The following TNPO3 variants were observed in gnomAD, a reference collection of about 807,000 sequenced individuals.
TNPO3 encodes the protein transportin-3.
Under a neutral mutation model 122.8 loss-of-function variants are expected in TNPO3, and 65 were observed. The observed-to-expected ratio is 0.53, with a 90% CI of 0.43 to 0.65. The LOEUF is 0.65. Among genes scored for constraint, TNPO3 ranks in the 30% least tolerant of loss-of-function variants. The pLI is 0.00. For synonymous variants in TNPO3, 372 were observed against 411.2 expected, an observed-to-expected ratio of 0.90 and a Z score of 1.15; for missense variants, 850 against 1,136.7, an observed-to-expected ratio of 0.75 and a Z score of 3.63.
At chr7:129,047,813 A>G (rs1406111539) in intron 1 of TNPO3, among the ~76,000 whole-genome samples, 1 of 152,272 alleles carries the variant, frequency 6.6e-6, no homozygotes, top group African/African-American at 2.4e-5. Flanking sequence ...TTAAAACACT[A>G]TAGTTATTAC....
intron 1 of TNPO3, among the ~76,000 whole-genome samples, chr7:129,030,889 G>A (rs79775691): frequency 0.03 from 4,509 of 152,228 alleles, 94 homozygotes; most frequent in Non-Finnish European, 0.04. Flanking sequence ...GTACAATGGC[G>A]GAATGGGCCA....
intron 5 of TNPO3, among the ~76,000 whole-genome samples, chr7:129,002,812 G>A (rs932727376): frequency 1.3e-5 from 2 of 152,052 alleles, no homozygotes; most frequent in Non-Finnish European, 2.9e-5. Flanking sequence ...CAGCACTTTG[G>A]GAGGCTGAGG....
chr7:128,985,546 T>G (rs1252575380), intron 12 of TNPO3, among the ~76,000 whole-genome samples: 3 of 152,204 alleles, frequency 2.0e-5, no homozygotes, highest in Non-Finnish European at 2.9e-5. Context: ...CAGTGAGCTA[T>G]GATCATGCCA....
intron 5 of TNPO3, among the ~76,000 whole-genome samples, chr7:129,003,064 A>AAAG (rs1554439863): frequency 2.1e-4 from 28 of 130,482 alleles, no homozygotes; most frequent in African/African-American, 7.6e-4. Context: ...AAAAAAAAAA[A>AAAG]TACAAAAAAT....
intron 14 of TNPO3, among the ~76,000 whole-genome samples, chr7:128,980,300 T>C (rs558032238): frequency 6.6e-6 from 1 of 152,276 alleles, no homozygotes; most frequent in African/African-American, 2.4e-5. Context: ...ATCTTTTCCA[T>C]TTTTCCCTTT....
At position 128,962,179 on chromosome 7, in the gene TNPO3, C is replaced by T. The variant is rs1585320161; in HGVS notation, c.2712-4864G>A. 2.0e-5 allele frequency among the ~76,000 whole-genome samples: 3 copies of T among 151,952 alleles called. No individual in the cohort carries two copies. The South Asian group carries it at 6.3e-4, about 32-fold the overall frequency. ...AGGAGATCGAGACCATCCTGGCTAA[C>T]AAGGTGAAACCCCGTCTCTACTAAA... On this transcript the variant is annotated intron_variant, in intron 21 of 22. Coordinates refer to ENST00000265388, the MANE Select transcript of TNPO3 (RefSeq NM_012470.4).
chr7:129,043,887 G>C (rs1390178983), intron 1 of TNPO3, among the ~76,000 whole-genome samples: 1 of 152,112 alleles, frequency 6.6e-6, no homozygotes, highest in Non-Finnish European at 1.5e-5. Flanking sequence ...CCATGCAAAG[G>C]CTTCCTGAAA....
intron 1 of TNPO3, among the ~76,000 whole-genome samples, chr7:129,038,064 A>G (rs1229193324): frequency 2.0e-5 from 3 of 152,168 alleles, no homozygotes; most frequent in African/African-American, 7.2e-5. Context: ...TTCTAAATAT[A>G]TCATACTCAA....
intron 7 of TNPO3, among the ~76,000 whole-genome samples, chr7:128,999,141 C>T (rs1470593638): frequency 1.3e-5 from 2 of 152,152 alleles, no homozygotes; most frequent in South Asian, 2.1e-4. Context: ...CCACTGCGCC[C>T]GGCCAGAAGT....
rs1802375216 is a variant in TNPO3, at chr7:129,004,668, CATAATT to C, written c.696+342_696+347del. On this transcript the variant is annotated intron_variant, in intron 5 of 22. Transcript: ENST00000265388. ...TTTTTTCCTAAACTTGTGATGCACA[CATAATT>C]ATATCATGGAAATGTCTAGGATTCA... 2.0e-5 allele frequency among the ~76,000 whole-genome samples: 3 copies of C among 152,248 alleles called. No individual in the cohort carries two copies. The South Asian group carries it at 6.2e-4, about 32-fold the overall frequency.
intron 1 of TNPO3, among the ~76,000 whole-genome samples, chr7:129,050,428 G>T (rs1808616570): frequency 6.7e-6 from 1 of 148,486 alleles, no homozygotes; most frequent in African/African-American, 2.5e-5. Flanking sequence ...GGCTAGTAAT[G>T]CAGCCTTAAA....
At chr7:129,000,090 A>C (rs1801765837) in intron 7 of TNPO3, among the ~76,000 whole-genome samples, 1 of 152,074 alleles carries the variant, frequency 6.6e-6, no homozygotes, top group Non-Finnish European at 1.5e-5. Flanking sequence ...GGGTGTTAAG[A>C]CTTGTGGAGG....
intron 4 of TNPO3, 113 bp from the exon 5 acceptor site, chr7:129,005,272 G>T (rs1372834429): frequency 9.7e-7 from 1 of 1,029,114 alleles, no homozygotes; most frequent in African/African-American, 1.7e-5. Flanking sequence ...ACAGCCAACG[G>T]TTAAAAGTGC....
At position 129,026,994 on chromosome 7, in the gene TNPO3, A is replaced by G. The variant is rs112438327; in HGVS notation, c.121-8837T>C. Among the ~76,000 whole-genome samples, 1,056 of 151,422 alleles carry G rather than the reference A, an allele frequency of 7.0e-3. 14 individuals are homozygous for G. Among genetic ancestry groups the G allele is most frequent in the African/African-American group, 0.025 (1,018 of 41,288 alleles). ...ATTTTTTGTAGAGACAGGTCTTGCT[A>G]TCTCCTGGTCTCAAACTCCTGGGCT... On this transcript the variant is annotated intron_variant, in intron 1 of 22. Transcript: ENST00000265388.
rs373971432 is a variant in TNPO3, at chr7:128,993,908, C to T, written c.1165G>A (p.Val389Ile). 29 of 1,613,662 alleles carry T rather than the reference C, an allele frequency of 1.8e-5. No individual in the cohort carries two copies. The highest frequency in any genetic ancestry group is 2.7e-5 in the African/African-American group (2 of 74,892). The change falls in exon 9 of 23, where the codon GTT becomes ATT. Residue 389 changes from valine (V) to isoleucine (I), a missense_variant. Transcript: ENST00000265388. ...HCQLEPDHEG[V>I]PEETDDFGEF... Reference sequence around the variant, plus strand: ...CCAAAGTCATCAGTCTCCTCAGGAACCCCCTCCTAAAATATCAAATCAGAT... The same window carrying T: ...CCAAAGTCATCAGTCTCCTCAGGAATCCCCTCCTAAAATATCAAATCAGAT...
chr7:129,007,716 T>C (rs1174848550), intron 4 of TNPO3, among the ~76,000 whole-genome samples: 1 of 152,264 alleles, frequency 6.6e-6, no homozygotes, highest in Non-Finnish European at 1.5e-5. Flanking sequence ...AAGGTGGAGT[T>C]GCAGCTAACT....
intron 20 of TNPO3, 62 bp downstream of exon 20, chr7:128,970,080 GCCTTAA>G: frequency 6.3e-7 from 1 of 1,592,212 alleles, no homozygotes; most frequent in Non-Finnish European, 8.6e-7. Context: ...ATTAGGGTTG[GCCTTAA>G]GGAACCAAAG....
chr7:129,004,424 T>C (rs952926627), intron 5 of TNPO3, among the ~76,000 whole-genome samples: 4 of 152,170 alleles, frequency 2.6e-5, no homozygotes, highest in Non-Finnish European at 5.9e-5. Context: ...CCCTAACTCC[T>C]ATCTACCAAG....
intron 21 of TNPO3, among the ~76,000 whole-genome samples, chr7:128,963,680 T>C (rs759197884): frequency 1.3e-5 from 2 of 152,340 alleles, no homozygotes; most frequent in East Asian, 1.9e-4. Context: ...TATAAAATAA[T>C]AGCATTCCAT....
Sources: gnomAD v4.1 joint callset for allele counts (sites outside exome capture counted in the v4.1 genomes callset) on GRCh38, gnomAD v4.1.1 for gene constraint, MANE v1.5 for transcripts, NCBI Gene and HGNC (gene_info 2026-07-23, HGNC 2026-07-21) for gene names.